Variants in NRN1 observed in about 807,000 individuals in gnomAD.
NRN1 encodes neuritin 1.
A neutral mutation model predicts 15.0 loss-of-function variants in NRN1; 4 were observed. The ratio of observed to expected loss-of-function variants is 0.27; its 90% CI spans 0.13 to 0.61. NRN1 has a LOEUF of 0.61. NRN1 is among the 20% of genes least tolerant of loss of function. The pLI is 0.87. For missense variants in NRN1, 134 were observed against 181.9 expected (o/e 0.74, Z 1.51); for synonymous variants, 85 against 79.8 (o/e 1.07, Z -0.35).
chr6:6,007,033 G>C (rs1463046963), upstream of NRN1: 1 of 453,628 alleles, frequency 2.2e-6, no homozygotes, highest in South Asian at 3.1e-5. Flanking sequence ...TCACGCCCAC[G>C]AGCAGGCCTG....
chr6:6,006,755 G>A lies in NRN1; in HGVS notation c.-6C>T, dbSNP rs767523659. The A allele has an allele frequency of 6.2e-7, 1 of 1,614,020 alleles. No homozygotes were observed. The highest frequency in any genetic ancestry group is 1.1e-5 in the South Asian group (1 of 91,090). On this transcript the variant is annotated 5_prime_UTR_variant, in exon 1 of 3. It adds an upstream start codon to the 5' untranslated region. Transcript: ENST00000244766. ...CCGTTCAACTTAAGTCCCATCCTAC[G>A]TTTAGTCAAACCATTTGCGACCGCA...
chr6:6,002,633 G>A (rs1757985042), intron 1 of NRN1, 136 bp from the exon 2 acceptor site: 11 of 1,185,750 alleles, frequency 9.3e-6, no homozygotes, highest in Non-Finnish European at 1.2e-5. Flanking sequence ...CTCGGGGCTC[G>A]CCAGTGTTAA....
rs55712329 is a variant in NRN1 at position 6,000,722 on chromosome 6, C to CTTTTTTTTTTTT, written c.201-1530_201-1519dup. On this transcript the variant is annotated intron_variant, in intron 2 of 2. Coordinates refer to ENST00000244766, the MANE Select transcript of NRN1 (RefSeq NM_016588.3). The stretch of plus-strand genomic sequence containing the variant: ...CCTGCTAAAGGATGCCTAAATTGCT[C>CTTTTTTTTTTTT]TTTTTTTTTTTTTTTTTTTTTTTTT... 5.4e-4 allele frequency among the ~76,000 whole-genome samples: 33 copies of CTTTTTTTTTTTT among 60,850 alleles called. 6 individuals are homozygous for CTTTTTTTTTTTT. The highest frequency in any genetic ancestry group is 1.3e-3 in the African/African-American group (20 of 14,966). 39.9% of individuals were successfully genotyped at this position (60,850 alleles called of 152,430 possible). A position where few individuals can be genotyped will look rare whatever the true frequency, so the allele number is the denominator to read the frequency against.
chr6:6,006,704 C>G lies in NRN1; in HGVS notation c.46G>C (p.Val16Leu). The G allele has an allele frequency of 1.2e-6, 2 of 1,614,094 alleles. No individual in the cohort carries two copies. Among genetic ancestry groups the G allele is most frequent in the African/African-American group, 1.3e-5 (1 of 75,018 alleles). ...NGRYISLILA[V>L]QIAYLVQAVR... ...CTGAGCGGCCACTTACCTATTTGCA[C>G]CGCGAGGATCAGTGAAATATATCTG... The change falls in exon 1 of 3, where the codon GTG becomes CTG. Residue 16 changes from valine (V) to leucine (L), a missense_variant. Transcript: ENST00000244766.
At chr6:6,006,507 T>C (rs1442215920) in intron 1 of NRN1, among the ~76,000 whole-genome samples, 188 bp downstream of exon 1, 5 of 152,182 alleles carry the variant, frequency 3.3e-5, no homozygotes, top group African/African-American at 1.2e-4. Context: ...ACATTTGGAA[T>C]CTATAGCTTT....
chr6:5,999,352 CT>C, intron 2 of NRN1, 148 bp from the exon 3 acceptor site: 2 of 665,506 alleles, frequency 3.0e-6, no homozygotes, highest in Non-Finnish European at 2.6e-6. Context: ...GCCCTGGCGC[CT>C]GGCCTGCGCG....
At chr6:6,002,060 T>C (rs1204075664) in intron 2 of NRN1, among the ~76,000 whole-genome samples, 1 of 152,214 alleles carries the variant, frequency 6.6e-6, no homozygotes, top group Non-Finnish European at 1.5e-5. Context: ...TCCCAGCATG[T>C]CGAGCATGCG....
intron 2 of NRN1, among the ~76,000 whole-genome samples, 191 bp from the exon 3 acceptor site, chr6:5,999,395 C>G (rs1402080897): frequency 1.3e-5 from 2 of 152,232 alleles, no homozygotes; most frequent in Admixed American, 6.5e-5. Flanking sequence ...CCGCCTACCC[C>G]AGAAGCGGCT....
rs1014985063 is a variant in NRN1 at position 6,003,623 on chromosome 6, G to A, written c.56-1126C>T. On this transcript the variant is annotated intron_variant, in intron 1 of 2. Transcript: ENST00000244766. The stretch of plus-strand genomic sequence containing the variant: ...GAGGAGGAGGAAACACAGGCCGCAC[G>A]AAGGTCCAAGCCCCAAGCCCCCAAG... The A allele has an allele frequency of 8.5e-6, 8 of 938,420 alleles. No homozygotes were observed. In the East Asian group the frequency reaches 2.6e-4, roughly 31 times the overall value. 58.1% of individuals were successfully genotyped at this position (938,420 alleles called of 1,614,324 possible). A position where few individuals can be genotyped will look rare whatever the true frequency, so the allele number is the denominator to read the frequency against.
chr6:6,002,396 G>A lies in NRN1; in HGVS notation c.157C>T (p.Pro53Ser). Residue 53 changes from proline (P) to serine (S), a missense_variant, in exon 2 of 3, where the codon CCG becomes TCG. Physicochemically the swap from Pro to Ser is moderately conservative, Grantham distance 74 (BLOSUM62 -1). Coordinates refer to ENST00000244766, the MANE Select transcript of NRN1 (RefSeq NM_016588.3). ...LKLGDSMANY[P>S]QGLDDKTNIK... is the part of the protein sequence containing the mutation. ...TTCGTCTTGTCGTCCAGGCCCTGCG[G>A]GTAGTTGGCCATGCTGTCGCCCAGC... 1.2e-6 allele frequency: 2 copies of A among 1,614,248 alleles called. No individual in the cohort carries two copies. Among genetic ancestry groups the A allele is most frequent in the Non-Finnish European group, 1.7e-6 (2 of 1,180,028 alleles).
chr6:6,007,291 G>T (rs1476587343), upstream of NRN1, among the ~76,000 whole-genome samples: 1 of 150,158 alleles, frequency 6.7e-6, no homozygotes, highest in African/African-American at 2.5e-5. Context: ...TCCCTTCCCC[G>T]CCAGGAGCTG....
At position 5,998,792 on chromosome 6, in the gene NRN1, G is replaced by T; in HGVS notation, c.*184C>A. 1 of 604,838 alleles carries T rather than the reference G, an allele frequency of 1.7e-6. No individual in the cohort carries two copies. The highest frequency in any genetic ancestry group is 2.9e-6 in the Non-Finnish European group (1 of 345,264). 37.5% of individuals were successfully genotyped at this position (604,838 alleles called of 1,614,324 possible). A position where few individuals can be genotyped will look rare whatever the true frequency, so the allele number is the denominator to read the frequency against. ...CTTGCTCACTGATTGGTAACATTTGGCAAATAAAACACAAGAAATCAAACG... is the reference window on the plus strand; with the variant it reads ...CTTGCTCACTGATTGGTAACATTTGTCAAATAAAACACAAGAAATCAAACG... On this transcript the variant is annotated 3_prime_UTR_variant, in exon 3 of 3. Coordinates refer to ENST00000244766, the MANE Select transcript of NRN1 (RefSeq NM_016588.3).
chr6:6,001,093 A>G (rs147706592), intron 2 of NRN1, among the ~76,000 whole-genome samples: 1 of 152,282 alleles, frequency 6.6e-6, no homozygotes, highest in East Asian at 1.9e-4. Flanking sequence ...TGTCCCTTTC[A>G]TGATAGGAAA....
intron 2 of NRN1, among the ~76,000 whole-genome samples, chr6:5,999,797 TTTC>T (rs1377092695): frequency 6.6e-6 from 1 of 152,172 alleles, no homozygotes; most frequent in African/African-American, 2.4e-5. Flanking sequence ...TTTCCCTTTC[TTTC>T]TTTTTCCGTT....
In NRN1 at chr6:5,998,662, A is replaced by C. The variant is rs1478870110; in HGVS notation, c.*314T>G. The C allele has an allele frequency of 4.9e-6, 1 of 203,208 alleles. No individual in the cohort carries two copies. The highest frequency in any genetic ancestry group is 9.9e-6 in the Non-Finnish European group (1 of 101,356). 12.6% of individuals were successfully genotyped at this position (203,208 alleles called of 1,614,324 possible). ...CCGTTCCTGAGATTCTTTTGCCAAC[A>C]AAAAAAATTAATAATAATAAAATTA... On this transcript the variant is annotated 3_prime_UTR_variant, in exon 3 of 3. Coordinates refer to ENST00000244766, the MANE Select transcript of NRN1 (RefSeq NM_016588.3).
chr6:6,006,530 T>G (rs745362814), intron 1 of NRN1, among the ~76,000 whole-genome samples, 165 bp downstream of exon 1: 1 of 152,200 alleles, frequency 6.6e-6, no homozygotes, highest in Non-Finnish European at 1.5e-5. Flanking sequence ...GAAAAACCGA[T>G]CTGGGACGCG....
chr6:6,005,215 C>G (rs528378731), intron 1 of NRN1, among the ~76,000 whole-genome samples: 2 of 152,236 alleles, frequency 1.3e-5, no homozygotes, highest in Middle Eastern at 3.4e-3. Flanking sequence ...ATTTCTATCT[C>G]AAAAACAACT....
At chr6:6,002,923 C>A (rs1030695171) in intron 1 of NRN1, 3 of 396,008 alleles carry the variant, frequency 7.6e-6, no homozygotes, top group Non-Finnish European at 9.0e-6. Flanking sequence ...ATGCGATCTT[C>A]CATTTTGAGG....
rs1247076385 is a variant in NRN1, at chr6:5,998,685, T to C, written c.*291A>G. 1 of 264,008 alleles carries C rather than the reference T, an allele frequency of 3.8e-6. No homozygotes were observed. The highest frequency in any genetic ancestry group is 2.2e-5 in the African/African-American group (1 of 45,016). The allele number at this position is 264,008 out of a possible 1,614,324, so 16.4% of individuals were successfully genotyped here. A position where few individuals can be genotyped will look rare whatever the true frequency, so the allele number is the denominator to read the frequency against. On this transcript the variant is annotated 3_prime_UTR_variant, in exon 3 of 3. Transcript: ENST00000244766. The stretch of plus-strand genomic sequence containing the variant: ...ACAAAAAAAATTAATAATAATAAAA[T>C]TAAAAAATGGGGTGGGTTTGCCGTT...
Sources: allele counts gnomAD v4.1 joint callset (sites outside exome capture counted in the v4.1 genomes callset), GRCh38; gene constraint gnomAD v4.1.1; transcripts MANE v1.5; gene names NCBI Gene and HGNC (gene_info 2026-07-23, HGNC 2026-07-21).